Variants in WDHD1 observed in about 807,000 individuals in gnomAD.
WDHD1 encodes WD repeat and HMG-box DNA-binding protein 1.
WDHD1 carries 111 observed loss-of-function variants against 135.4 expected under a neutral mutation model. The observed-to-expected ratio is 0.82, with a 90% CI of 0.70 to 0.96. The LOEUF is 0.96. WDHD1 is among the 40% of genes least tolerant of loss of function. WDHD1 has a pLI of 0.00. For synonymous variants in WDHD1, 434 were observed against 439.0 expected (o/e 0.99, Z 0.14); for missense variants, 1,351 against 1,336.3 (o/e 1.01, Z -0.17).
At chr14:54,941,833 C>T in intron 25 of WDHD1, 143 bp from the exon 26 acceptor site, 1 of 692,002 alleles carries the variant, frequency 1.4e-6, no homozygotes, top group Non-Finnish European at 2.3e-6. Context: ...TCATTGTTAA[C>T]AAATCTTTTA....
At chr14:54,996,231 A>G (rs1286392444) in intron 10 of WDHD1, among the ~76,000 whole-genome samples, 1 of 152,208 alleles carries the variant, frequency 6.6e-6, no homozygotes, top group Non-Finnish European at 1.5e-5. Flanking sequence ...CATTTTCTTT[A>G]TATTATCTCA....
chr14:55,005,461 G>T (rs1359305876), intron 7 of WDHD1: 14 of 567,214 alleles, frequency 2.5e-5, no homozygotes, highest in Admixed American at 2.3e-4. Context: ...TGGATGATAT[G>T]ACACTGACAT....
intron 8 of WDHD1, 42 bp downstream of exon 8, chr14:55,002,051 G>C: frequency 7.2e-7 from 1 of 1,390,278 alleles, no homozygotes; most frequent in African/African-American, 1.5e-5. Context: ...CGCATTAACT[G>C]CTCCTTATAG....
chr14:55,001,059 C>T (rs2041973196), intron 8 of WDHD1, 67 bp from the exon 9 acceptor site: 4 of 1,054,662 alleles, frequency 3.8e-6, no homozygotes, highest in Non-Finnish European at 5.2e-6. Flanking sequence ...CATTTTATTA[C>T]CAAATTCAAT....
At chr14:54,982,319 T>C (rs533099374) in intron 15 of WDHD1, among the ~76,000 whole-genome samples, 65 of 152,192 alleles carry the variant, frequency 4.3e-4, no homozygotes, top group Non-Finnish European at 7.5e-4. Flanking sequence ...GATAATAATT[T>C]TAAAGCCAAT....
chr14:54,997,695 G>A (rs536091905), intron 10 of WDHD1, among the ~76,000 whole-genome samples: 13 of 150,738 alleles, frequency 8.6e-5, no homozygotes, highest in Non-Finnish European at 1.3e-4. Context: ...GGCAGATCAC[G>A]AGGTCAGGAG....
rs756939179 is a variant in WDHD1 at position 55,007,390 on chromosome 14, AAG to A, written c.505-17_505-16del. 1 of 1,554,086 alleles carries A rather than the reference AAG, an allele frequency of 6.4e-7. No individual in the cohort carries two copies. The highest frequency in any genetic ancestry group is 8.7e-7 in the Non-Finnish European group (1 of 1,149,994). On this transcript the variant is annotated splice_polypyrimidine_tract_variant and intron_variant, in intron 6 of 25. Transcript: ENST00000360586. ...ATAGCACATGTCTAATTGGTAAAAA[AAG>A]AAAATTTCTTTCCTTTATGAAAATC...
At chr14:55,011,523 T>TAAA (rs2042169092) in intron 3 of WDHD1, among the ~76,000 whole-genome samples, 3 of 12,228 alleles carry the variant, frequency 2.5e-4, no homozygotes, top group Non-Finnish European at 1.9e-4. Flanking sequence ...AAACTCTGTC[T>TAAA]CAAAAAAAAA....
Position 54,940,502 on chromosome 14 carries a change from C to T in WDHD1, c.*988G>A, listed in dbSNP as rs1000946552. 6.6e-6 allele frequency: 1 copy of T among 152,086 alleles called. No individual in the cohort carries two copies. Among genetic ancestry groups the T allele is most frequent in the African/African-American group, 2.4e-5 (1 of 41,406 alleles). 9.4% of individuals were successfully genotyped at this position (152,086 alleles called of 1,614,324 possible). On this transcript the variant is annotated 3_prime_UTR_variant, in exon 26 of 26. Coordinates refer to ENST00000360586, the MANE Select transcript of WDHD1 (RefSeq NM_007086.4). The stretch of plus-strand genomic sequence containing the variant: ...GTCAGCTGATTTTATGTGATTGTTT[C>T]CTTCCCTCCCACCCCCAGTACACTG...
intron 21 of WDHD1, 110 bp from the exon 22 acceptor site, chr14:54,957,745 T>C (rs2041184313): frequency 1.1e-6 from 1 of 890,926 alleles, no homozygotes; most frequent in Admixed American, 2.9e-5. Flanking sequence ...AACAAATGTA[T>C]TTTGCAACTT....
chr14:54,962,478 A>G lies in WDHD1; in HGVS notation c.2701+20T>C. On this transcript the variant is annotated intron_variant, in intron 21 of 25. Coordinates refer to ENST00000360586, the MANE Select transcript of WDHD1 (RefSeq NM_007086.4). ...CTTGCAAAATTTCCTTGATATTACA[A>G]ATTTATAAATATTTCTCACCTGACT... 1.4e-5 allele frequency: 23 copies of G among 1,595,026 alleles called. No individual in the cohort carries two copies. The highest frequency in any genetic ancestry group is 1.8e-5 in the Non-Finnish European group (21 of 1,166,298).
chr14:54,943,490 G>A (rs2040870632), intron 25 of WDHD1, among the ~76,000 whole-genome samples: 2 of 152,020 alleles, frequency 1.3e-5, no homozygotes, highest in Non-Finnish European at 2.9e-5. Context: ...GACCTCCTGG[G>A]CTCAAGTAAG....
intron 21 of WDHD1, among the ~76,000 whole-genome samples, chr14:54,960,035 G>A (rs1405919836): frequency 4.0e-5 from 6 of 151,892 alleles, no homozygotes; most frequent in Admixed American, 2.6e-4. Flanking sequence ...CACTCTTTAC[G>A]CCCTGAACTC....
intron 3 of WDHD1, among the ~76,000 whole-genome samples, chr14:55,012,946 C>T (rs1343811434): frequency 6.6e-6 from 1 of 152,032 alleles, no homozygotes; most frequent in Non-Finnish European, 1.5e-5. Context: ...CTAAAAACAC[C>T]ACTGAGTTTT....
chr14:54,949,339 G>A (rs2040996971), intron 24 of WDHD1, among the ~76,000 whole-genome samples: 1 of 152,136 alleles, frequency 6.6e-6, no homozygotes, highest in South Asian at 2.1e-4. Context: ...CATGGCACGA[G>A]AACTACGTGA....
intron 10 of WDHD1, among the ~76,000 whole-genome samples, chr14:54,998,091 T>A (rs2041915936): frequency 6.6e-6 from 1 of 151,602 alleles, no homozygotes; most frequent in African/African-American, 2.4e-5. Flanking sequence ...TGGGTGCCTG[T>A]TATCCTAGGT....
chr14:54,966,164 T>TAAAAAA (rs34071862), intron 18 of WDHD1, among the ~76,000 whole-genome samples: 1 of 67,182 alleles, frequency 1.5e-5, no homozygotes, highest in African/African-American at 6.9e-5. Flanking sequence ...CCATCTCTAC[T>TAAAAAA]AAAAAAAAAA....
intron 14 of WDHD1, among the ~76,000 whole-genome samples, chr14:54,986,298 T>C (rs942488242): frequency 6.6e-6 from 1 of 152,250 alleles, no homozygotes; most frequent in African/African-American, 2.4e-5. Context: ...CAGATATTTA[T>C]AGAACAGTTA....
chr14:54,987,863 G>C (rs928620579), intron 13 of WDHD1, among the ~76,000 whole-genome samples: 4 of 152,152 alleles, frequency 2.6e-5, no homozygotes, highest in Non-Finnish European at 4.4e-5. Flanking sequence ...TTGAGCTCAG[G>C]TCATCTGTCC....
Sources: allele counts gnomAD v4.1 joint callset (sites outside exome capture counted in the v4.1 genomes callset), GRCh38; gene constraint gnomAD v4.1.1; transcripts MANE v1.5; gene names NCBI Gene and HGNC (gene_info 2026-07-23, HGNC 2026-07-21).